Variants in VCAN observed in about 807,000 individuals in gnomAD.
The protein encoded by VCAN is versican core protein.
VCAN carries 44 observed loss-of-function variants against 245.5 expected under a neutral mutation model. That is an observed-to-expected ratio of 0.18 (90% CI 0.14 to 0.23). The LOEUF (loss-of-function observed/expected upper bound fraction) is 0.23. VCAN is among the 10% of genes least tolerant of loss of function. The probability of loss-of-function intolerance (pLI) is 1.00; values close to 1 mark genes in which losing one functional copy is unlikely to be tolerated. For synonymous variants in VCAN, 1,413 were observed against 1,437.0 expected (o/e 0.98, Z 0.38); for missense variants, 3,793 against 4,057.9 (o/e 0.93, Z 1.77).
chr5:83,540,968 G>A lies in VCAN; in HGVS notation c.7965G>A (p.Met2655Ile). ...SYTQATHDESMTYEDRSQLDH... is the reference protein window; with the variant it reads ...SYTQATHDESITYEDRSQLDH... ...CTCAGGCAACACATGATGAATCAAT[G>A]ACTTATGAAGATAGAAGCCAACTAG... is the stretch of plus-strand genomic sequence containing the variant. Residue 2655 changes from methionine (M) to isoleucine (I), a missense_variant, in exon 8 of 15, where the codon ATG becomes ATA. Transcript: ENST00000265077. 1 of 1,614,054 alleles carries A rather than the reference G, an allele frequency of 6.2e-7. No individual in the cohort carries two copies. Among genetic ancestry groups the A allele is most frequent in the Non-Finnish European group, 8.5e-7 (1 of 1,179,992 alleles).
At chr5:83,499,281 T>G (rs146682899) in intron 5 of VCAN, among the ~76,000 whole-genome samples, 1,788 of 152,312 alleles carry the variant, frequency 0.012, 7 homozygotes, top group Non-Finnish European at 0.017. Flanking sequence ...GTTATATGTT[T>G]GTTTTATTTC....
rs573832087 is a variant in VCAN at position 83,539,731 on chromosome 5, C to G, written c.6728C>G (p.Thr2243Arg). The change falls in exon 8 of 15, where the codon ACA (threonine) becomes AGA (arginine). Residue 2243 changes from threonine to arginine, a missense_variant. Coordinates refer to ENST00000265077, the MANE Select transcript of VCAN (RefSeq NM_004385.5). ...CATTTTCCGAAAGGCATGAGACCAA[C>G]AATTCAAGAGTCAGATACTGAGCTC... ...TKHFPKGMRP[T>R]IQESDTELLF... 6.0e-5 allele frequency: 97 copies of G among 1,613,780 alleles called. 1 individual carries two copies. The South Asian group carries it at 8.9e-4, about 15-fold the overall frequency.
At chr5:83,534,909 A>ATCT (rs1454847686) in intron 7 of VCAN, among the ~76,000 whole-genome samples, 1 of 82,734 alleles carries the variant, frequency 1.2e-5, no homozygotes, top group Non-Finnish European at 2.4e-5. Flanking sequence ...AGAGGATGTT[A>ATCT]TCATCTGAAT....
chr5:83,571,614 C>T (rs1257010775), intron 12 of VCAN, among the ~76,000 whole-genome samples: 1 of 151,924 alleles, frequency 6.6e-6, no homozygotes, highest in Non-Finnish European at 1.5e-5. Flanking sequence ...CCCATAAAGT[C>T]CTTTTCAATG....
intron 1 of VCAN, among the ~76,000 whole-genome samples, chr5:83,481,469 A>G (rs1469633576): frequency 6.6e-6 from 1 of 152,124 alleles, no homozygotes; most frequent in African/African-American, 2.4e-5. Context: ...AAATATTGTA[A>G]TAGCATAGAT....
intron 7 of VCAN, among the ~76,000 whole-genome samples, chr5:83,529,142 A>G (rs1338689395): frequency 6.6e-6 from 1 of 152,016 alleles, no homozygotes; most frequent in Non-Finnish European, 1.5e-5. Context: ...TTTGAAGTAC[A>G]TTCTGGTTAA....
intron 12 of VCAN, among the ~76,000 whole-genome samples, chr5:83,571,534 T>C (rs564649674): frequency 7.9e-5 from 12 of 152,230 alleles, no homozygotes; most frequent in Non-Finnish European, 1.8e-4. Flanking sequence ...TTCAATTGTA[T>C]ATTATTGCTC....
chr5:83,556,819 A>G (rs1042800926), intron 12 of VCAN, among the ~76,000 whole-genome samples: 20 of 152,150 alleles, frequency 1.3e-4, no homozygotes, highest in African/African-American at 4.8e-4. Flanking sequence ...ATATATTATA[A>G]GCTGTTTTTA....
chr5:83,559,752 C>G (rs535714259), intron 12 of VCAN, among the ~76,000 whole-genome samples: 4 of 152,200 alleles, frequency 2.6e-5, no homozygotes, highest in Admixed American at 2.6e-4. Flanking sequence ...TAACTTTCGT[C>G]TCTGTTTTTT....
Position 83,541,397 on chromosome 5 carries a change from G to C in VCAN, c.8394G>C (p.Val2798=). 6.2e-7 allele frequency: 1 copy of C among 1,614,060 alleles called. No homozygotes were observed. Among genetic ancestry groups the C allele is most frequent in the Non-Finnish European group, 8.5e-7 (1 of 1,179,988 alleles). The change falls in exon 8 of 15, where the codon GTG becomes GTC. Residue 2798 remains valine (V), a synonymous_variant. Coordinates refer to ENST00000265077, the MANE Select transcript of VCAN (RefSeq NM_004385.5). The part of the protein sequence containing the change: ...MDQSVTEVPD[V]MEGSNPPYYT... ...AGAGTGTAACAGAGGTGCCTGATGT[G>C]ATGGAAGGATCCAATCCCCCATATT... is the stretch of plus-strand genomic sequence containing the variant.
chr5:83,502,519 T>C (rs1221570165), intron 5 of VCAN, among the ~76,000 whole-genome samples: 1 of 152,216 alleles, frequency 6.6e-6, no homozygotes, highest in Non-Finnish European at 1.5e-5. Context: ...AACCTCTTTC[T>C]CACTCTAATT....
chr5:83,561,855 C>T (rs1238655339), intron 12 of VCAN, among the ~76,000 whole-genome samples: 1 of 152,134 alleles, frequency 6.6e-6, no homozygotes, highest in South Asian at 2.1e-4. Flanking sequence ...TCTTATTCCC[C>T]TTCCTCTCCC....
intron 13 of VCAN, among the ~76,000 whole-genome samples, chr5:83,577,697 T>C (rs184468108): frequency 6.6e-6 from 1 of 152,312 alleles, no homozygotes; most frequent in Admixed American, 6.5e-5. Context: ...ATTTCAACCA[T>C]CTAGAATTGA....
Position 83,581,398 on chromosome 5 carries a change from A to G in VCAN, c.*964A>G, listed in dbSNP as rs1416509537. ...TTTATAAAGTTTTGAATGTTCATGT[A>G]TGAATGCTGCAGCTGTGAAGCATAC... On this transcript the variant is annotated 3_prime_UTR_variant, in exon 15 of 15. Coordinates refer to ENST00000265077, the MANE Select transcript of VCAN (RefSeq NM_004385.5). 6.6e-6 allele frequency: 1 copy of G among 151,084 alleles called. No homozygotes were observed. Among genetic ancestry groups the G allele is most frequent in the African/African-American group, 2.4e-5 (1 of 41,128 alleles). 9.4% of individuals were successfully genotyped at this position (151,084 alleles called of 1,614,324 possible).
At chr5:83,476,941 T>C (rs1388345993) in intron 1 of VCAN, among the ~76,000 whole-genome samples, 2 of 152,186 alleles carry the variant, frequency 1.3e-5, no homozygotes, top group African/African-American at 4.8e-5. Context: ...GTCTATAAAA[T>C]GAGATTACAT....
At chr5:83,511,100 C>G (rs1049013495) in intron 5 of VCAN, among the ~76,000 whole-genome samples, 4 of 151,600 alleles carry the variant, frequency 2.6e-5, no homozygotes, top group Non-Finnish European at 5.9e-5. Context: ...GGCTACTGAG[C>G]CTCCATCTGG....
chr5:83,505,750 C>T lies in VCAN; in HGVS notation c.749-6353C>T, dbSNP rs1745463469. Among the ~76,000 whole-genome samples the T allele has an allele frequency of 2.0e-5, 3 of 152,346 alleles. No individual in the cohort carries two copies. In the South Asian group the frequency reaches 6.2e-4, roughly 32 times the overall value. ...GCTCCAACCCCACATTTCCCTTCTG[C>T]ACTGCCCTAGCAGAGGTTCTCCATG... On this transcript the variant is annotated intron_variant, in intron 5 of 14. Coordinates refer to ENST00000265077, the MANE Select transcript of VCAN (RefSeq NM_004385.5).
intron 5 of VCAN, among the ~76,000 whole-genome samples, chr5:83,499,737 T>C (rs1745272286): frequency 6.6e-6 from 1 of 152,188 alleles, no homozygotes; most frequent in Non-Finnish European, 1.5e-5. Flanking sequence ...GGATTGCTTT[T>C]CTTGTATTAA....
In VCAN at chr5:83,541,816, G is replaced by A. The variant is rs372518513; in HGVS notation, c.8813G>A (p.Gly2938Asp). The A allele has an allele frequency of 2.5e-6, 4 of 1,613,924 alleles. No individual in the cohort carries two copies. Among genetic ancestry groups the A allele is most frequent in the African/African-American group, 2.7e-5 (2 of 74,888 alleles). Residue 2938 changes from glycine to aspartate, a missense_variant, in exon 8 of 15, where the codon GGT becomes GAT. Physicochemically the swap from Gly to Asp is moderately conservative, Grantham distance 94. Around this residue, in one of 5 missense-constraint regions of VCAN, gnomAD observed 3,182 missense variants for 3,250.3 expected, o/e 0.98. Transcript: ENST00000265077. ...ILQDFQNKTDGQVSGEAIKMF... is the reference protein window; with the variant it reads ...ILQDFQNKTDDQVSGEAIKMF... The stretch of plus-strand genomic sequence containing the variant: ...CAAGATTTCCAAAACAAAACCGATG[G>A]TCAAGTTTCTGGAGAAGCAATCAAG...
Sources: allele counts gnomAD v4.1 joint callset (sites outside exome capture counted in the v4.1 genomes callset), GRCh38; gene constraint gnomAD v4.1.1; regional missense constraint gnomAD v4.1.1; transcripts MANE v1.5; gene names NCBI Gene and HGNC (gene_info 2026-07-23, HGNC 2026-07-21).